The following SCPEP1 variants were observed in gnomAD, a reference collection of about 807,000 sequenced individuals.
SCPEP1 encodes retinoid-inducible serine carboxypeptidase.
In SCPEP1, 51 loss-of-function variants were observed where a neutral mutation model predicts 63.8. The ratio of observed to expected loss-of-function variants is 0.80; its 90% confidence interval spans 0.64 to 1.01. The LOEUF is 1.01. SCPEP1 is among the 50% of genes least tolerant of loss of function. SCPEP1 has a pLI of 0.00. For missense variants in SCPEP1, 499 were observed against 554.9 expected (o/e 0.90, Z 1.01); for synonymous variants, 204 against 207.8 (o/e 0.98, Z 0.16).
chr17:56,999,810 C>A (rs1444379365), intron 10 of SCPEP1, among the ~76,000 whole-genome samples: 1 of 152,072 alleles, frequency 6.6e-6, no homozygotes, highest in African/African-American at 2.4e-5. Context: ...TGGAGAAACC[C>A]TGTCTCTACT....
intron 1 of SCPEP1, 53 bp downstream of exon 1, chr17:56,978,288 G>GTC: frequency 6.7e-7 from 1 of 1,489,982 alleles, no homozygotes; most frequent in East Asian, 2.6e-5. Flanking sequence ...TTCTCCAGGC[G>GTC]TGAGAGTTTG....
At chr17:56,980,718 G>A (rs1911041776) in intron 1 of SCPEP1, among the ~76,000 whole-genome samples, 2 of 150,210 alleles carry the variant, frequency 1.3e-5, no homozygotes, top group African/African-American at 4.9e-5. Context: ...AACCCGGAAG[G>A]CAGAGGTTGC....
At chr17:57,000,672 A>G (rs947836272) in intron 10 of SCPEP1, among the ~76,000 whole-genome samples, 183 bp from the exon 11 acceptor site, 22 of 152,140 alleles carry the variant, frequency 1.4e-4, no homozygotes, top group African/African-American at 5.1e-4. Context: ...CACATGTGCT[A>G]TTTATGTGTG....
chr17:57,005,315 A>G (rs1467931028), intron 12 of SCPEP1, among the ~76,000 whole-genome samples: 1 of 152,208 alleles, frequency 6.6e-6, no homozygotes, highest in Non-Finnish European at 1.5e-5. Flanking sequence ...CGCGCTCTGT[A>G]TACTAGAGTT....
At chr17:56,985,527 A>G in intron 3 of SCPEP1, 60 bp downstream of exon 3, 1 of 1,300,022 alleles carries the variant, frequency 7.7e-7, no homozygotes, top group Non-Finnish European at 1.1e-6. Flanking sequence ...GGCCCTGCCC[A>G]ACTCTGGGAG....
intron 9 of SCPEP1, 32 bp downstream of exon 9, chr17:56,997,087 G>T (rs775350466): frequency 1.7e-5 from 23 of 1,317,688 alleles, no homozygotes; most frequent in Admixed American, 2.4e-5. Flanking sequence ...TAAAGTCCCT[G>T]CCTCAGCCTC....
intron 6 of SCPEP1, among the ~76,000 whole-genome samples, chr17:56,992,672 G>A (rs1239592830): frequency 6.6e-6 from 1 of 152,140 alleles, no homozygotes; most frequent in African/African-American, 2.4e-5. Flanking sequence ...AACTCCATGG[G>A]ATGGATGCTA....
At position 57,006,232 on chromosome 17, in the gene SCPEP1, A is replaced by G. The variant is rs745999442; in HGVS notation, c.1356A>G (p.Glu452=). ...TGATGAGACTGGTGACTCAGCAAGA[A>G]TAGGATGGATGGGGCTGGAGATGAG... The part of the protein sequence containing the change: ...LKMMRLVTQQ[E] Residue 452 remains glutamate (E), a synonymous_variant, in exon 13 of 13, where the codon GAA becomes GAG. Transcript: ENST00000262288. The G allele has an allele frequency of 2.5e-6, 4 of 1,611,444 alleles. No individual in the cohort carries two copies. Among genetic ancestry groups the G allele is most frequent in the Middle Eastern group, 1.6e-4 (1 of 6,080 alleles).
At chr17:56,978,272 TC>T in intron 1 of SCPEP1, 37 bp downstream of exon 1, 2 of 1,505,632 alleles carry the variant, frequency 1.3e-6, no homozygotes, top group Non-Finnish European at 1.8e-6. Context: ...CTGCCATGCC[TC>T]TTTTTTCTCC....
At chr17:56,993,749 TAA>T (rs1233279341) in intron 6 of SCPEP1, among the ~76,000 whole-genome samples, 1 of 152,068 alleles carries the variant, frequency 6.6e-6, no homozygotes, top group Non-Finnish European at 1.5e-5. Context: ...ACCCAGCCGG[TAA>T]AAGTTAATTT....
rs557071432 is a variant in SCPEP1 at position 56,987,425 on chromosome 17, AT to A, written c.316-267del. ...TGTATGAAAAGCAACAGCCCAGATT[AT>A]TTGATCCCCGTGTGTGTTAATCTTT... On this transcript the variant is annotated intron_variant, in intron 3 of 12. Coordinates refer to ENST00000262288, the MANE Select transcript of SCPEP1 (RefSeq NM_021626.3). 531 of 339,576 alleles carry A rather than the reference AT, an allele frequency of 1.6e-3. 6 individuals are homozygous for A. Among genetic ancestry groups the A allele is most frequent in the African/African-American group, 0.011 (505 of 45,132 alleles). The allele number at this position is 339,576 out of a possible 1,614,324, so 21.0% of individuals were successfully genotyped here. A position where few individuals can be genotyped will look rare whatever the true frequency, so the allele number is the denominator to read the frequency against.
intron 10 of SCPEP1, among the ~76,000 whole-genome samples, 185 bp downstream of exon 10, chr17:56,998,683 G>C (rs943049207): frequency 3.9e-5 from 6 of 152,184 alleles, no homozygotes; most frequent in Non-Finnish European, 7.3e-5. Flanking sequence ...GACTTGTCAG[G>C]GCTGGATGCA....
rs554175702 is a variant in SCPEP1 at position 56,981,044 on chromosome 17, G to A, written c.77-38G>A. Reference sequence around the variant, plus strand: ...GGCTTGGAATTTACCTGTACATTAGGCACTCTTCTGGAGAGTGAAATTGAA... The same window carrying A: ...GGCTTGGAATTTACCTGTACATTAGACACTCTTCTGGAGAGTGAAATTGAA... On this transcript the variant is annotated intron_variant, in intron 1 of 12. Transcript: ENST00000262288. 47 of 1,609,984 alleles carry A rather than the reference G, an allele frequency of 2.9e-5. No homozygotes were observed. The African/African-American group carries it at 5.7e-4, about 20-fold the overall frequency.
Position 56,981,087 on chromosome 17 carries a change from G to A in SCPEP1, c.82G>A (p.Val28Ile), listed in dbSNP as rs1158363194. 3.1e-6 allele frequency: 5 copies of A among 1,614,138 alleles called. No homozygotes were observed. The East Asian group carries it at 6.7e-5, about 22-fold the overall frequency. ...AAATTGAACTTCTGTTTCAGGAGCT[G>A]TCATTGACTGGCCCACAGAGGAGGG... is the stretch of plus-strand genomic sequence containing the variant. ...PLLLGLNAGA[V>I]IDWPTEEGKE... is the part of the protein sequence containing the mutation. The change falls in exon 2 of 13, where the codon GTC (valine) becomes ATC (isoleucine). Residue 28 changes from valine to isoleucine, a missense_variant. Coordinates refer to ENST00000262288, the MANE Select transcript of SCPEP1 (RefSeq NM_021626.3).
rs2144484387 is a variant in SCPEP1, at chr17:56,988,237, T to C, written c.493T>C (p.Ser165Pro). ...CTAGACAGTTCCATTCTACATTTTC[T>C]CAGAGTCCTATGGAGGAAAAATGGC... ...EFQTVPFYIFSESYGGKMAAG... is the reference protein window; with the variant it reads ...EFQTVPFYIFPESYGGKMAAG... The change falls in exon 5 of 13, where the codon TCA (serine) becomes CCA (proline). Residue 165 changes from serine (S) to proline (P), a missense_variant. Ser to Pro is a moderately conservative substitution (Grantham distance 74). Coordinates refer to ENST00000262288, the MANE Select transcript of SCPEP1 (RefSeq NM_021626.3). 1.2e-6 allele frequency: 2 copies of C among 1,612,294 alleles called. No individual in the cohort carries two copies. The highest frequency in any genetic ancestry group is 4.5e-5 in the East Asian group (2 of 44,832).
At chr17:56,978,778 C>G (rs931793430) in intron 1 of SCPEP1, among the ~76,000 whole-genome samples, 4 of 152,208 alleles carry the variant, frequency 2.6e-5, no homozygotes, top group Admixed American at 1.3e-4. Context: ...AAAACCTCTC[C>G]TAGTCTGAAG....
chr17:56,987,889 C>A (rs372356840), intron 4 of SCPEP1, 39 bp downstream of exon 4: 1 of 1,605,940 alleles, frequency 6.2e-7, no homozygotes. Flanking sequence ...AAAGGGCTGG[C>A]AATATCAACT....
chr17:57,000,070 A>T (rs1911694018), intron 10 of SCPEP1, among the ~76,000 whole-genome samples: 1 of 152,054 alleles, frequency 6.6e-6, no homozygotes, highest in Non-Finnish European at 1.5e-5. Flanking sequence ...GGATCGCTTA[A>T]GCCTGGGAGG....
chr17:56,991,616 A>G (rs570130554), intron 6 of SCPEP1, among the ~76,000 whole-genome samples: 1 of 152,302 alleles, frequency 6.6e-6, no homozygotes, highest in Admixed American at 6.5e-5. Context: ...AGACAAGGTT[A>G]TCGTCTGGTC....
Sources: gnomAD v4.1 joint callset for allele counts (sites outside exome capture counted in the v4.1 genomes callset) on GRCh38, gnomAD v4.1.1 for gene constraint, MANE v1.5 for transcripts, NCBI Gene and HGNC (gene_info 2026-07-23, HGNC 2026-07-21) for gene names.